The following RBFOX1 variants were observed in gnomAD, a reference collection of about 807,000 sequenced individuals.
The protein encoded by RBFOX1 is RNA binding fox-1 homolog 1.
RBFOX1 carries 8 observed loss-of-function variants against 57.7 expected under a neutral mutation model. That is an observed-to-expected ratio of 0.14 (90% confidence interval 0.08 to 0.25). The LOEUF is 0.25. Ranked by LOEUF, RBFOX1 falls within the 10% of genes least tolerant of loss-of-function variation. RBFOX1 has a pLI of 1.00. For synonymous variants in RBFOX1, 326 were observed against 222.4 expected (o/e 1.47, Z -4.15); for missense variants, 611 against 548.5 (o/e 1.11, Z -1.14).
chr16:6,903,955 C>T (rs934770312), intron 3 of RBFOX1, among the ~76,000 whole-genome samples: 3 of 152,054 alleles, frequency 2.0e-5, no homozygotes, highest in Non-Finnish European at 2.9e-5. Flanking sequence ...TTTGGAGGTA[C>T]AAATCTGCAA....
intron 2 of RBFOX1, among the ~76,000 whole-genome samples, chr16:6,580,555 C>T (rs143281185): frequency 4.8e-4 from 73 of 150,904 alleles, no homozygotes; most frequent in African/African-American, 1.6e-3. Context: ...AATAAATACA[C>T]GTTTGCTCAA....
intron 3 of RBFOX1, among the ~76,000 whole-genome samples, chr16:5,638,821 G>C (rs999855561): frequency 6.6e-6 from 1 of 152,122 alleles, no homozygotes; most frequent in Admixed American, 6.6e-5. Context: ...GGCTGAATGG[G>C]CTCAGAGAAA....
chr16:5,987,600 G>A (rs907130908), intron 4 of RBFOX1, among the ~76,000 whole-genome samples: 2 of 152,160 alleles, frequency 1.3e-5, no homozygotes, highest in East Asian at 3.9e-4. Flanking sequence ...GTACTCGGGA[G>A]GCAGAGGCAG....
chr16:6,131,641 A>G (rs1284586154), intron 1 of RBFOX1, among the ~76,000 whole-genome samples: 3 of 152,234 alleles, frequency 2.0e-5, no homozygotes, highest in Admixed American at 6.5e-5. Context: ...CACCATATCA[A>G]CATAGTAGCT....
At chr16:6,030,101 A>G (rs753777264) in intron 1 of RBFOX1, among the ~76,000 whole-genome samples, 2 of 151,560 alleles carry the variant, frequency 1.3e-5, no homozygotes, top group Non-Finnish European at 2.9e-5. Context: ...AAATTTTTGT[A>G]TTTTTTTGTA....
chr16:7,337,259 G>T (rs932299022), intron 4 of RBFOX1, among the ~76,000 whole-genome samples: 1 of 152,136 alleles, frequency 6.6e-6, no homozygotes, highest in East Asian at 1.9e-4. Flanking sequence ...AGGTATTCAG[G>T]CAGGGTGGCT....
chr16:5,511,843 G>A (rs1044847405), intron 2 of RBFOX1, among the ~76,000 whole-genome samples: 1 of 152,208 alleles, frequency 6.6e-6, no homozygotes, highest in African/African-American at 2.4e-5. Flanking sequence ...CCAGAAGGGT[G>A]ACTGAGTTGT....
At chr16:6,123,534 A>G (rs769987887) in intron 1 of RBFOX1, among the ~76,000 whole-genome samples, 38 of 152,358 alleles carry the variant, frequency 2.5e-4, no homozygotes, top group South Asian at 6.2e-4. Context: ...TAGTGAATTC[A>G]GAGTCTCAGT....
At chr16:6,640,010 C>G (rs1228219701) in intron 2 of RBFOX1, among the ~76,000 whole-genome samples, 2 of 152,118 alleles carry the variant, frequency 1.3e-5, no homozygotes, top group Non-Finnish European at 2.9e-5. Flanking sequence ...ATGATGATAC[C>G]AGAGCTTTTA....
chr16:6,388,002 G>A (rs1477413673), intron 2 of RBFOX1, among the ~76,000 whole-genome samples: 8 of 119,738 alleles, frequency 6.7e-5, no homozygotes. Context: ...TTTTTTTGGA[G>A]ACAGAGTCTT....
intron 3 of RBFOX1, among the ~76,000 whole-genome samples, chr16:6,701,824 A>C (rs4786914): frequency 2.6e-5 from 4 of 151,992 alleles, no homozygotes; most frequent in African/African-American, 9.7e-5. Context: ...ACTGGAGTCC[A>C]GTATTCTAAG....
chr16:7,677,132 T>TACATACACACACAC (rs1555762484), intron 14 of RBFOX1, among the ~76,000 whole-genome samples: 1 of 137,862 alleles, frequency 7.3e-6, no homozygotes, highest in Non-Finnish European at 1.6e-5. Context: ...CACATACACA[T>TACATACACACACAC]ACACACACAC....
intron 3 of RBFOX1, among the ~76,000 whole-genome samples, chr16:6,961,070 G>A (rs767942629): frequency 6.6e-6 from 1 of 151,492 alleles, no homozygotes; most frequent in African/African-American, 2.4e-5. Context: ...TTGAATCCGG[G>A]AGGCGGGAGT....
At chr16:5,773,612 A>G (rs953029425) in intron 3 of RBFOX1, among the ~76,000 whole-genome samples, 2 of 152,208 alleles carry the variant, frequency 1.3e-5, no homozygotes, top group South Asian at 2.1e-4. Context: ...CATTTTTGCA[A>G]TATCTATTTT....
At chr16:7,156,800 T>G (rs1385308605) in intron 4 of RBFOX1, among the ~76,000 whole-genome samples, 3 of 152,210 alleles carry the variant, frequency 2.0e-5, no homozygotes, top group Non-Finnish European at 4.4e-5. Context: ...CTTCTATCTC[T>G]CTGTACTTGT....
chr16:6,648,305 C>G (rs546841396), intron 2 of RBFOX1, among the ~76,000 whole-genome samples: 1 of 152,202 alleles, frequency 6.6e-6, no homozygotes, highest in African/African-American at 2.4e-5. Flanking sequence ...AAACGATCCT[C>G]TGGACTCGGC....
intron 4 of RBFOX1, among the ~76,000 whole-genome samples, chr16:7,122,552 A>T (rs2067424785): frequency 6.6e-6 from 1 of 152,022 alleles, no homozygotes; most frequent in Non-Finnish European, 1.5e-5. Flanking sequence ...GGCATAAGAT[A>T]AAAAAAATTG....
At chr16:7,062,960 T>C (rs1422353398) in intron 4 of RBFOX1, among the ~76,000 whole-genome samples, 1 of 134,244 alleles carries the variant, frequency 7.4e-6, no homozygotes, top group African/African-American at 2.7e-5. Flanking sequence ...TCCTTTTTTC[T>C]GTGATCGAAG....
intron 10 of RBFOX1, among the ~76,000 whole-genome samples, chr16:7,610,118 C>CTTTTTTTTTTTTTT (rs34468596): frequency 0.037 from 2,434 of 65,554 alleles, 396 homozygotes; most frequent in African/African-American, 0.039. Flanking sequence ...GCCCGGCCCC[C>CTTTTTTTTTTTTTT]TTTTTTTTTT....
Sources: gnomAD v4.1 joint callset for allele counts (sites outside exome capture counted in the v4.1 genomes callset) on GRCh38, gnomAD v4.1.1 for gene constraint, MANE v1.5 for transcripts, NCBI Gene and HGNC (gene_info 2026-07-23, HGNC 2026-07-21) for gene names.